The following ATP6V1G1 variants were observed in gnomAD, a reference collection of about 807,000 sequenced individuals.
ATP6V1G1 encodes the protein V-type proton ATPase subunit G 1.
In ATP6V1G1, 14 loss-of-function variants were observed where a neutral mutation model predicts 14.2. That is an observed-to-expected ratio of 0.99 (90% CI 0.65 to 1.55). ATP6V1G1 has a LOEUF of 1.55. ATP6V1G1 is among the 40% of genes most tolerant of loss of function. The pLI is 0.00. For missense variants in ATP6V1G1, 137 were observed against 146.4 expected (o/e 0.94, Z 0.33); for synonymous variants, 65 against 53.3 (o/e 1.22, Z -0.96).
chr9:114,590,608 C>A (rs904019059), intron 1 of ATP6V1G1, among the ~76,000 whole-genome samples: 8 of 151,706 alleles, frequency 5.3e-5, no homozygotes, highest in Non-Finnish European at 8.8e-5. Context: ...TAGTTAGGAA[C>A]AGAGAGGTAG....
intron 2 of ATP6V1G1, among the ~76,000 whole-genome samples, chr9:114,597,318 C>G (rs539689678): frequency 1.3e-5 from 2 of 152,106 alleles, no homozygotes; most frequent in Non-Finnish European, 2.9e-5. Context: ...AGGAGAGATG[C>G]GAATACATGT....
intron 1 of ATP6V1G1, among the ~76,000 whole-genome samples, chr9:114,588,944 C>T (rs1044763667): frequency 6.6e-6 from 1 of 152,180 alleles, no homozygotes; most frequent in Non-Finnish European, 1.5e-5. Context: ...TCTTGTGGGT[C>T]AGGCCTGGTG....
Position 114,597,638 on chromosome 9 carries a change from C to G in ATP6V1G1, c.252C>G (p.Leu84=). The G allele has an allele frequency of 2.5e-6, 4 of 1,588,644 alleles. No individual in the cohort carries two copies. The highest frequency in any genetic ancestry group is 3.4e-6 in the Non-Finnish European group (4 of 1,169,228). The stretch of plus-strand genomic sequence containing the variant: ...AGACCCAGGAGAAGATGACCATCCT[C>G]CAGACATACTTCCGGCAGAACAGGG... ...EKETQEKMTI[L]QTYFRQNRDE... is the part of the protein sequence containing the mutation. Residue 84 remains leucine, a synonymous_variant, in exon 3 of 3, where the codon CTC becomes CTG. Transcript: ENST00000374050.
At chr9:114,592,415 T>G in intron 1 of ATP6V1G1, 137 bp from the exon 2 acceptor site, 1 of 834,210 alleles carries the variant, frequency 1.2e-6, no homozygotes. Context: ...TAGCTCTGAA[T>G]TCCCTCTTTC....
intron 2 of ATP6V1G1, among the ~76,000 whole-genome samples, chr9:114,593,127 G>A (rs1845201304): frequency 6.6e-6 from 1 of 152,162 alleles, no homozygotes; most frequent in Non-Finnish European, 1.5e-5. Context: ...CTATACTATG[G>A]TGCATACAAT....
At chr9:114,591,962 CCTCTT>C in intron 1 of ATP6V1G1, among the ~76,000 whole-genome samples, 1 of 152,306 alleles carries the variant, frequency 6.6e-6, no homozygotes, top group South Asian at 2.1e-4. Flanking sequence ...ACCTGTGTCT[CCTCTT>C]CTCTCAGCCA....
In ATP6V1G1 at chr9:114,597,808, C is replaced by T; in HGVS notation, c.*65C>T. 7.3e-7 allele frequency: 1 copy of T among 1,376,728 alleles called. No homozygotes were observed. The highest frequency in any genetic ancestry group is 9.6e-7 in the Non-Finnish European group (1 of 1,045,830). 85.3% of individuals were successfully genotyped at this position (1,376,728 alleles called of 1,614,324 possible). On this transcript the variant is annotated 3_prime_UTR_variant, in exon 3 of 3. Transcript: ENST00000374050. ...GCCCTCACGAATATGAAGCTTAGCACAGCTCTAGTTACATTCTTATGATAT... is the reference window on the plus strand; with the variant it reads ...GCCCTCACGAATATGAAGCTTAGCATAGCTCTAGTTACATTCTTATGATAT...
rs1406716536 is a variant in ATP6V1G1, at chr9:114,592,872, T to C, written c.183+220T>C. ...TTTATTCACTCATTTAACACGTATCTGTTAAGCAGTTAACATGCGCCAGGT... is the reference window on the plus strand; with the variant it reads ...TTTATTCACTCATTTAACACGTATCCGTTAAGCAGTTAACATGCGCCAGGT... On this transcript the variant is annotated intron_variant, in intron 2 of 2. Transcript: ENST00000374050. 2.0e-5 allele frequency among the ~76,000 whole-genome samples: 3 copies of C among 152,240 alleles called. No individual in the cohort carries two copies. In the East Asian group the frequency reaches 5.8e-4, roughly 29 times the overall value.
intron 1 of ATP6V1G1, 68 bp downstream of exon 1, chr9:114,587,988 G>T: frequency 6.6e-7 from 1 of 1,514,018 alleles, no homozygotes. Context: ...CTCAGGTGGT[G>T]GGTAGATTAG....
rs1166966254 is a variant in ATP6V1G1 at position 114,598,866 on chromosome 9, A to G, written c.*1123A>G. ...ACAATACAACTAGATGACCTTAAAA[A>G]CCCTCATATTTAATATGACTCAGGA... On this transcript the variant is annotated 3_prime_UTR_variant, in exon 3 of 3. Coordinates refer to ENST00000374050, the MANE Select transcript of ATP6V1G1 (RefSeq NM_004888.4). Among the ~76,000 whole-genome samples the G allele has an allele frequency of 6.6e-6, 1 of 151,878 alleles. No individual in the cohort carries two copies. The highest frequency in any genetic ancestry group is 2.4e-5 in the African/African-American group (1 of 41,308).
chr9:114,597,300 A>C (rs1182775976), intron 2 of ATP6V1G1, among the ~76,000 whole-genome samples: 1 of 151,498 alleles, frequency 6.6e-6, no homozygotes, highest in African/African-American at 2.4e-5. Flanking sequence ...TATATAGCAG[A>C]TTCTTAGAGG....
At chr9:114,588,046 G>A in intron 1 of ATP6V1G1, 126 bp downstream of exon 1, 1 of 1,078,014 alleles carries the variant, frequency 9.3e-7, no homozygotes, top group Non-Finnish European at 1.3e-6. Context: ...GCGGAAGGTT[G>A]TGTGTTTCGA....
chr9:114,592,275 A>C (rs1375424348), intron 1 of ATP6V1G1, among the ~76,000 whole-genome samples: 1 of 152,138 alleles, frequency 6.6e-6, no homozygotes, highest in African/African-American at 2.4e-5. Context: ...AGATTGAGAG[A>C]ATATTCTGAC....
chr9:114,594,145 C>T (rs1222682846), intron 2 of ATP6V1G1, among the ~76,000 whole-genome samples: 1 of 151,446 alleles, frequency 6.6e-6, no homozygotes, highest in Non-Finnish European at 1.5e-5. Flanking sequence ...TCTCGGCTCA[C>T]TGCAACCTCT....
chr9:114,592,696 C>T lies in ATP6V1G1; in HGVS notation c.183+44C>T, dbSNP rs921850064. 2.6e-6 allele frequency: 4 copies of T among 1,536,504 alleles called. No homozygotes were observed. The East Asian group carries it at 7.3e-5, about 28-fold the overall frequency. ...TTGTTACTGCTTTAGTTTCTGATCC[C>T]CTGTCCCGCCAAGGCTTTCAGAATA... On this transcript the variant is annotated intron_variant, in intron 2 of 2. Coordinates refer to ENST00000374050, the MANE Select transcript of ATP6V1G1 (RefSeq NM_004888.4).
intron 2 of ATP6V1G1, among the ~76,000 whole-genome samples, chr9:114,595,761 T>A (rs1343838121): frequency 6.6e-6 from 1 of 152,112 alleles, no homozygotes; most frequent in African/African-American, 2.4e-5. Flanking sequence ...CTGGGCAACA[T>A]AGTGAGATCC....
At chr9:114,593,082 T>C (rs1429387491) in intron 2 of ATP6V1G1, among the ~76,000 whole-genome samples, 3 of 152,186 alleles carry the variant, frequency 2.0e-5, no homozygotes, top group Admixed American at 6.5e-5. Flanking sequence ...CTTTAGTATA[T>C]TGTATATAGT....
At chr9:114,592,128 C>G (rs775126051) in intron 1 of ATP6V1G1, among the ~76,000 whole-genome samples, 1 of 152,154 alleles carries the variant, frequency 6.6e-6, no homozygotes, top group Non-Finnish European at 1.5e-5. Flanking sequence ...CTGTCCCTTG[C>G]GAGCTTATTA....
At chr9:114,590,898 C>T (rs1418837784) in intron 1 of ATP6V1G1, among the ~76,000 whole-genome samples, 1 of 152,074 alleles carries the variant, frequency 6.6e-6, no homozygotes, top group African/African-American at 2.4e-5. Flanking sequence ...CAGGTTCAAG[C>T]GATTCTTCTG....
Sources: allele counts gnomAD v4.1 joint callset (sites outside exome capture counted in the v4.1 genomes callset), GRCh38; gene constraint gnomAD v4.1.1; transcripts MANE v1.5; gene names NCBI Gene and HGNC (gene_info 2026-07-23, HGNC 2026-07-21).